NTAN1: variants seen among roughly 807,000 people sequenced by gnomAD.
The protein encoded by NTAN1 is protein N-terminal asparagine amidohydrolase.
A neutral mutation model predicts 41.9 loss-of-function variants in NTAN1; 32 were observed. The ratio of observed to expected loss-of-function variants is 0.76; its 90% CI spans 0.58 to 1.03. NTAN1 has a LOEUF of 1.03. Ranked by LOEUF, NTAN1 falls within the 50% of genes least tolerant of loss-of-function variation. The pLI is 0.00. For synonymous variants in NTAN1, 140 were observed against 139.5 expected, an observed-to-expected ratio of 1.00 and a Z score of -0.03; for missense variants, 377 against 377.5, an observed-to-expected ratio of 1.00 and a Z score of 0.01.
chr16:15,045,682 T>C (rs573998683), intron 4 of NTAN1: 3 of 152,334 alleles, frequency 2.0e-5, no homozygotes, highest in East Asian at 1.9e-4. Flanking sequence ...ACACTGCGCA[T>C]TGCACAGTGA....
chr16:15,044,619 T>C, intron 4 of NTAN1: 1 of 589,876 alleles, frequency 1.7e-6, no homozygotes, highest in South Asian at 2.1e-5. Flanking sequence ...CCCTGATGAC[T>C]GAGGGGATCC....
intron 1 of NTAN1, among the ~76,000 whole-genome samples, chr16:15,055,427 C>A (rs564309187): frequency 2.0e-5 from 3 of 152,312 alleles, no homozygotes; most frequent in South Asian, 4.1e-4. Context: ...CCGCCAAGAT[C>A]CCCCAGGCCA....
At chr16:15,055,251 G>A (rs756413461) in intron 1 of NTAN1, among the ~76,000 whole-genome samples, 1 of 152,176 alleles carries the variant, frequency 6.6e-6, no homozygotes, top group Non-Finnish European at 1.5e-5. Flanking sequence ...AGAGTTCAGA[G>A]ATCTATTTGA....
At chr16:15,043,525 G>T (rs12932435) in intron 5 of NTAN1, among the ~76,000 whole-genome samples, 1 of 152,234 alleles carries the variant, frequency 6.6e-6, no homozygotes, top group Non-Finnish European at 1.5e-5. Flanking sequence ...CTGAGTGGCA[G>T]AGTGAGGCCT....
At chr16:15,038,502 A>T (rs2043648943) in intron 9 of NTAN1, 72 bp downstream of exon 9, 2 of 889,018 alleles carry the variant, frequency 2.2e-6, no homozygotes, top group East Asian at 2.4e-5. Flanking sequence ...CCTGGTCTAA[A>T]CCCTTTTTTT....
intron 1 of NTAN1, among the ~76,000 whole-genome samples, chr16:15,053,773 T>C (rs2044388270): frequency 6.6e-6 from 1 of 152,098 alleles, no homozygotes; most frequent in African/African-American, 2.4e-5. Context: ...TAGCTGGGTG[T>C]GGTGGCATGC....
In NTAN1 at chr16:15,047,424, G is replaced by A. The variant is rs374496635; in HGVS notation, c.359+18C>T. On this transcript the variant is annotated intron_variant, in intron 4 of 9. Coordinates refer to ENST00000287706, the MANE Select transcript of NTAN1 (RefSeq NM_173474.4). ...TTCCAAGATCTCAATTCACCTATGA[G>A]AGCAGCGTAGATCTCACCTTCCACA... 9.2e-5 allele frequency: 136 copies of A among 1,472,438 alleles called. No individual in the cohort carries two copies. Among genetic ancestry groups the A allele is most frequent in the South Asian group, 2.4e-4 (21 of 88,308 alleles). 91.2% of individuals were successfully genotyped at this position (1,472,438 alleles called of 1,614,324 possible).
Position 15,040,027 on chromosome 16 carries a change from A to T in NTAN1, c.581T>A (p.Phe194Tyr). The T allele has an allele frequency of 1.2e-6, 2 of 1,612,348 alleles. No homozygotes were observed. The highest frequency in any genetic ancestry group is 1.7e-6 in the Non-Finnish European group (2 of 1,178,556). ...CTGCTCCTCCGGACCCCGATCTTGA[A>T]AGGATGCTCTGTAAATCTCTGCAGT... ...IKTAEIYRAS[F>Y]QDRGPEEQLR... is the part of the protein sequence containing the mutation. The change falls in exon 8 of 10, where the codon TTT becomes TAT. Residue 194 changes from phenylalanine (F) to tyrosine (Y), a missense_variant. Coordinates refer to ENST00000287706, the MANE Select transcript of NTAN1 (RefSeq NM_173474.4).
At chr16:15,047,046 C>G (rs957505167) in intron 4 of NTAN1, among the ~76,000 whole-genome samples, 1 of 152,188 alleles carries the variant, frequency 6.6e-6, no homozygotes, top group East Asian at 1.9e-4. Context: ...TCTGTCTACT[C>G]TTCACTGCTG....
rs888289235 is a variant in NTAN1, at chr16:15,049,758, G to T, written c.82-1659C>A. On this transcript the variant is annotated intron_variant, in intron 1 of 9. Coordinates refer to ENST00000287706, the MANE Select transcript of NTAN1 (RefSeq NM_173474.4). Reference sequence around the variant, plus strand: ...AATTTGTAATGGCAAAAAGCTGGGAGCAGCAATGGAAAAGGTAAGTAAATT... The same window carrying T: ...AATTTGTAATGGCAAAAAGCTGGGATCAGCAATGGAAAAGGTAAGTAAATT... Among the ~76,000 whole-genome samples the T allele has an allele frequency of 5.9e-5, 9 of 152,286 alleles. No individual in the cohort carries two copies. The East Asian group carries it at 1.7e-3, about 29-fold the overall frequency.
intron 1 of NTAN1, among the ~76,000 whole-genome samples, chr16:15,048,809 C>T (rs895279998): frequency 1.4e-5 from 2 of 145,940 alleles, no homozygotes; most frequent in South Asian, 2.3e-4. Context: ...CTTTTTGTAG[C>T]GACGGGGTCT....
intron 5 of NTAN1, among the ~76,000 whole-genome samples, chr16:15,042,460 G>A (rs532323531): frequency 1.3e-5 from 2 of 152,216 alleles, no homozygotes; most frequent in South Asian, 4.1e-4. Flanking sequence ...AAAGTTCTGG[G>A]ATTACAGGAA....
At chr16:15,052,229 C>A (rs2044321324) in intron 1 of NTAN1, among the ~76,000 whole-genome samples, 1 of 152,144 alleles carries the variant, frequency 6.6e-6, no homozygotes, top group South Asian at 2.1e-4. Context: ...TGGCTGTGTT[C>A]CAATAAAACT....
rs2043588529 is a variant in NTAN1 at position 15,037,905 on chromosome 16, T to TGAAAGACACTGAGGAG, written c.*110_*125dup. The stretch of plus-strand genomic sequence containing the variant: ...TGAAAGTCATTTGATGAAAGTCATT[T>TGAAAGACACTGAGGAG]GAAAGACACTGAGGAGGGAAGGAGG... On this transcript the variant is annotated 3_prime_UTR_variant, in exon 10 of 10. Transcript: ENST00000287706. The TGAAAGACACTGAGGAG allele has an allele frequency of 1.0e-5, 6 of 598,162 alleles. No homozygotes were observed. The highest frequency in any genetic ancestry group is 8.7e-5 in the Admixed American group (3 of 34,672). 37.1% of individuals were successfully genotyped at this position (598,162 alleles called of 1,614,324 possible).
chr16:15,038,687 T>C lies in NTAN1; in HGVS notation c.640A>G (p.Met214Val). Reference sequence around the variant, plus strand: ...GTCTCTGCATCATAAATGCTAATCATCTAAAAAAGAACGTGTCAAGGATAG... The same window carrying C: ...GTCTCTGCATCATAAATGCTAATCACCTAAAAAAGAACGTGTCAAGGATAG... ...RAARTLAGGP[M>V]ISIYDAETEQ... Residue 214 changes from methionine to valine, a missense_variant and splice_region_variant, in exon 9 of 10, where the codon ATG (methionine) becomes GTG (valine). Physicochemically the swap from Met to Val is conservative, Grantham distance 21. Transcript: ENST00000287706. 1 of 1,515,628 alleles carries C rather than the reference T, an allele frequency of 6.6e-7. No homozygotes were observed. Among genetic ancestry groups the C allele is most frequent in the Non-Finnish European group, 9.1e-7 (1 of 1,097,642 alleles). The allele number at this position is 1,515,628 out of a possible 1,614,324, so 93.9% of individuals were successfully genotyped here.
At chr16:15,051,098 A>G (rs2044274341) in intron 1 of NTAN1, among the ~76,000 whole-genome samples, 1 of 152,212 alleles carries the variant, frequency 6.6e-6, no homozygotes, top group South Asian at 2.1e-4. Context: ...TACTCCTGAG[A>G]TACTTACCTT....
intron 5 of NTAN1, among the ~76,000 whole-genome samples, chr16:15,043,352 T>A (rs956684942): frequency 2.6e-5 from 4 of 152,196 alleles, no homozygotes; most frequent in Admixed American, 2.6e-4. Context: ...GAACCTTTTT[T>A]AAGAGTTATG....
intron 1 of NTAN1, 187 bp downstream of exon 1, chr16:15,055,704 G>A: frequency 2.7e-6 from 1 of 375,088 alleles, no homozygotes; most frequent in Non-Finnish European, 4.7e-6. Context: ...CTCCGGGGCA[G>A]CCCGCTGAAG....
At chr16:15,046,071 A>T (rs781006940) in intron 4 of NTAN1, 1 of 152,274 alleles carries the variant, frequency 6.6e-6, no homozygotes, top group African/African-American at 2.4e-5. Context: ...CACGGAGCAG[A>T]GTGTGTGGCA....
Sources: gnomAD v4.1 joint callset for allele counts (sites outside exome capture counted in the v4.1 genomes callset) on GRCh38, gnomAD v4.1.1 for gene constraint, MANE v1.5 for transcripts, NCBI Gene and HGNC (gene_info 2026-07-23, HGNC 2026-07-21) for gene names.